Variants in IGF2BP2 observed in about 807,000 individuals in gnomAD.
The protein encoded by IGF2BP2 is insulin-like growth factor 2 mRNA-binding protein 2.
IGF2BP2 carries 17 observed loss-of-function variants against 75.8 expected under a neutral mutation model. That is an observed-to-expected ratio of 0.22 (90% CI 0.15 to 0.34). The LOEUF (loss-of-function observed/expected upper bound fraction) is 0.34. Among genes scored for constraint, IGF2BP2 ranks in the 10% least tolerant of loss-of-function variants. The probability of loss-of-function intolerance (pLI) is 1.00; values close to 1 mark genes in which losing one functional copy is unlikely to be tolerated. For missense variants in IGF2BP2, 516 were observed against 772.4 expected (o/e 0.67, Z 3.93); for synonymous variants, 288 against 295.6 (o/e 0.97, Z 0.26).
At chr3:185,780,520 G>A (rs746097102) in intron 2 of IGF2BP2, among the ~76,000 whole-genome samples, 6 of 152,048 alleles carry the variant, frequency 3.9e-5, no homozygotes, top group East Asian at 1.9e-4. Context: ...TTTTTCTCGC[G>A]TTTTCTCCCA....
chr3:185,645,760 GC>G lies in IGF2BP2; in HGVS notation c.1708-138del. On this transcript the variant is annotated intron_variant, in intron 15 of 15. Transcript: ENST00000382199. This position sits in a 1 kb window ranked among gnomAD's most constrained non-coding sequence, Gnocchi z 4.9. ...AGACAAGCATCATCTACCCACCCCC[GC>G]ACGTTACTCCAGGCCCTTTTCTGCC... is the stretch of plus-strand genomic sequence containing the variant. 1 of 651,684 alleles carries G rather than the reference GC, an allele frequency of 1.5e-6. No homozygotes were observed. Among genetic ancestry groups the G allele is most frequent in the South Asian group, 1.8e-5 (1 of 54,266 alleles). 40.4% of individuals were successfully genotyped at this position (651,684 alleles called of 1,614,324 possible). A position where few individuals can be genotyped will look rare whatever the true frequency, so the allele number is the denominator to read the frequency against.
rs1183585291 is a variant in IGF2BP2, at chr3:185,815,109, T to A, written c.239+8044A>T. On this transcript the variant is annotated intron_variant, in intron 2 of 15. Transcript: ENST00000382199. ...AGGCCCTCCTCCCACACTGCATACA[T>A]GTATGTTTTTTACACTTAACTGTCA... 3.3e-5 allele frequency among the ~76,000 whole-genome samples: 5 copies of A among 152,180 alleles called. No homozygotes were observed. In the East Asian group the frequency reaches 9.7e-4, roughly 29 times the overall value.
At chr3:185,756,725 C>A (rs1038236871) in intron 2 of IGF2BP2, among the ~76,000 whole-genome samples, 1 of 152,144 alleles carries the variant, frequency 6.6e-6, no homozygotes, top group Admixed American at 6.5e-5. Flanking sequence ...TGTAATCCGA[C>A]ACTTTAGAAG....
chr3:185,700,514 C>G (rs1037761191), intron 2 of IGF2BP2, among the ~76,000 whole-genome samples: 2 of 152,108 alleles, frequency 1.3e-5, no homozygotes, highest in Admixed American at 6.5e-5. Context: ...GGCAATAGTT[C>G]AGAATAAAAC....
intron 6 of IGF2BP2, among the ~76,000 whole-genome samples, chr3:185,688,496 C>T (rs887162186): frequency 1.3e-5 from 2 of 152,174 alleles, no homozygotes; most frequent in Non-Finnish European, 2.9e-5. Flanking sequence ...GCGTGAGCCA[C>T]CACAACTGGC....
intron 7 of IGF2BP2, among the ~76,000 whole-genome samples, chr3:185,679,883 G>A (rs1292094180): frequency 6.6e-6 from 1 of 152,016 alleles, no homozygotes; most frequent in African/African-American, 2.4e-5. Flanking sequence ...CAAAGTGTTG[G>A]GATTTATAGG....
At position 185,687,070 on chromosome 3, in the gene IGF2BP2, C is replaced by A. The variant is rs748503250; in HGVS notation, c.799G>T (p.Asp267Tyr). 1.2e-6 allele frequency: 2 copies of A among 1,612,868 alleles called. No individual in the cohort carries two copies. The highest frequency in any genetic ancestry group is 1.7e-6 in the Non-Finnish European group (2 of 1,179,870). Reference sequence around the variant, plus strand: ...ATGCAAACTTACAGTTTGGTCTCATCTGCCTCTTTCTGCATGATTTCAAGA... The same window carrying A: ...ATGCAAACTTACAGTTTGGTCTCATATGCCTCTTTCTGCATGATTTCAAGA... ...MILEIMQKEA[D>Y]ETKLAEEIPL... The change falls in exon 7 of 16, where the codon GAT (aspartate) becomes TAT (tyrosine). Residue 267 changes from aspartate (D) to tyrosine (Y), a missense_variant. Transcript: ENST00000382199.
chr3:185,741,049 T>C (rs557017469), intron 2 of IGF2BP2, among the ~76,000 whole-genome samples: 5 of 152,240 alleles, frequency 3.3e-5, no homozygotes, highest in Admixed American at 1.3e-4. Context: ...GCTAATTTTG[T>C]ATTTTTAGTA....
chr3:185,718,545 C>T (rs1347973938), intron 2 of IGF2BP2, among the ~76,000 whole-genome samples: 3 of 151,712 alleles, frequency 2.0e-5, no homozygotes, highest in African/African-American at 2.4e-5. Flanking sequence ...ATTAGCCAGG[C>T]GTGGTGGCAC....
chr3:185,756,377 G>C (rs1731622083), intron 2 of IGF2BP2, among the ~76,000 whole-genome samples: 1 of 152,150 alleles, frequency 6.6e-6, no homozygotes, highest in Non-Finnish European at 1.5e-5. Flanking sequence ...CCAGTCTCGG[G>C]TGTTCTTTTA....
At chr3:185,759,842 T>G (rs1371574284) in intron 2 of IGF2BP2, among the ~76,000 whole-genome samples, 1 of 152,240 alleles carries the variant, frequency 6.6e-6, no homozygotes, top group Admixed American at 6.5e-5. Context: ...ATAATATCCA[T>G]TTTAACATTT....
At chr3:185,761,022 C>T (rs1461759387) in intron 2 of IGF2BP2, among the ~76,000 whole-genome samples, 1 of 151,612 alleles carries the variant, frequency 6.6e-6, no homozygotes, top group East Asian at 1.9e-4. Context: ...AGGGGGGGAA[C>T]CAGTAAAGAA....
intron 5 of IGF2BP2, 136 bp downstream of exon 5, chr3:185,692,563 T>C (rs902045444): frequency 3.8e-5 from 27 of 711,416 alleles, no homozygotes; most frequent in Non-Finnish European, 5.8e-5. Context: ...TGGAGCTCCA[T>C]GGGTATGTCA....
At chr3:185,738,925 A>G (rs1729183456) in intron 2 of IGF2BP2, among the ~76,000 whole-genome samples, 3 of 152,250 alleles carry the variant, frequency 2.0e-5, no homozygotes, top group South Asian at 4.1e-4. Flanking sequence ...CTATAAGTTA[A>G]GATGAATAAC....
intron 2 of IGF2BP2, among the ~76,000 whole-genome samples, chr3:185,772,634 T>C (rs1218857279): frequency 1.4e-5 from 2 of 146,784 alleles, no homozygotes; most frequent in Non-Finnish European, 3.0e-5. Context: ...CAGGCTGGAG[T>C]GCAGTGGTGC....
chr3:185,753,881 CAGTT>C (rs1331645010), intron 2 of IGF2BP2, among the ~76,000 whole-genome samples: 1 of 151,982 alleles, frequency 6.6e-6, no homozygotes, highest in Non-Finnish European at 1.5e-5. Context: ...AGTTCTCACT[CAGTT>C]AGTGCATGCA....
In IGF2BP2 at chr3:185,699,148, G is replaced by GA. The variant is rs1314368830; in HGVS notation, c.240-802dup. ...TGTTTTAAGGTTTTCAATTACTTTG[G>GA]AAAAAAACAAAAAACAAATGAAAAA... On this transcript the variant is annotated intron_variant, in intron 2 of 15. Coordinates refer to ENST00000382199, the MANE Select transcript of IGF2BP2 (RefSeq NM_006548.6). Among the ~76,000 whole-genome samples, 12 of 150,976 alleles carry GA rather than the reference G, an allele frequency of 7.9e-5. No homozygotes were observed. In the East Asian group the frequency reaches 9.7e-4, roughly 12 times the overall value.
chr3:185,732,292 GA>G (rs1360374242), intron 2 of IGF2BP2, among the ~76,000 whole-genome samples: 5 of 152,178 alleles, frequency 3.3e-5, no homozygotes, highest in African/African-American at 1.2e-4. Context: ...GCGAAACTCA[GA>G]AAAGATCTGT....
At chr3:185,691,909 AT>A (rs1722001631) in intron 5 of IGF2BP2, among the ~76,000 whole-genome samples, 1 of 151,802 alleles carries the variant, frequency 6.6e-6, no homozygotes, top group Non-Finnish European at 1.5e-5. Context: ...TAATTTTTAA[AT>A]TGTTTTTTTG....
Sources: gnomAD v4.1 joint callset for allele counts (sites outside exome capture counted in the v4.1 genomes callset) on GRCh38, gnomAD v4.1.1 for gene constraint, Gnocchi (gnomAD v3.1) non-coding constraint, MANE v1.5 for transcripts, NCBI Gene and HGNC (gene_info 2026-07-23, HGNC 2026-07-21) for gene names.